WDFY1: variants seen among roughly 807,000 people sequenced by gnomAD.
WDFY1 encodes the protein WD repeat and FYVE domain-containing protein 1.
In WDFY1, 32 loss-of-function variants were observed where a neutral mutation model predicts 56.4. That is an observed-to-expected ratio of 0.57 (90% confidence interval 0.43 to 0.76). The LOEUF (loss-of-function observed/expected upper bound fraction) is 0.76, where lower values mean the gene tolerates loss of function less well. Ranked by LOEUF, WDFY1 falls within the 30% of genes least tolerant of loss-of-function variation. WDFY1 has a pLI of 0.00. For synonymous variants in WDFY1, 192 were observed against 197.3 expected, an observed-to-expected ratio of 0.97 and a Z score of 0.23; for missense variants, 480 against 545.7, an observed-to-expected ratio of 0.88 and a Z score of 1.20.
chr2:223,945,267 G>C lies in WDFY1; in HGVS notation c.18C>G (p.His6Gln). The change falls in exon 1 of 12, where the codon CAC becomes CAG. Residue 6 changes from histidine (H) to glutamine (Q), a missense_variant. Physicochemically the swap from His to Gln is conservative, Grantham distance 24 (BLOSUM62 0). Transcript: ENST00000233055. Reference sequence around the variant, plus strand: ...CCGGGCGGCTGCTCTGCGGCCTGGAGTGGATTTCGGCCGCCATGTTCGCGC... The same window carrying C: ...CCGGGCGGCTGCTCTGCGGCCTGGACTGGATTTCGGCCGCCATGTTCGCGC... MAAEI[H>Q]SRPQSSRPVL... The C allele has an allele frequency of 6.3e-7, 1 of 1,579,812 alleles. No individual in the cohort carries two copies. Among genetic ancestry groups the C allele is most frequent in the Non-Finnish European group, 8.6e-7 (1 of 1,168,998 alleles).
Position 223,881,949 on chromosome 2 carries a change from C to A in WDFY1, c.1057G>T (p.Asp353Tyr), listed in dbSNP as rs1218320419. The A allele has an allele frequency of 6.2e-7, 1 of 1,613,536 alleles. No individual in the cohort carries two copies. Among genetic ancestry groups the A allele is most frequent in the East Asian group, 2.2e-5 (1 of 44,880 alleles). Residue 353 changes from aspartate (D) to tyrosine (Y), a missense_variant, in exon 10 of 12, where the codon GAT becomes TAT. Transcript: ENST00000233055. ...VCDSCYDSIK[D>Y]EDRTSLATFH... The stretch of plus-strand genomic sequence containing the variant: ...AAATATGCAAACACTCACTCTTCAT[C>A]TTTGATGGAGTCGTAACAAGAATCA...
rs140777534 is a variant in WDFY1 at position 223,884,663 on chromosome 2, C to T, written c.918G>A (p.Thr306=). 4.1e-5 allele frequency: 66 copies of T among 1,614,056 alleles called. No individual in the cohort carries two copies. Among genetic ancestry groups the T allele is most frequent in the African/African-American group, 3.2e-4 (24 of 75,036 alleles). ...GGCTACTCACTTGTCTTAGCCCCAG[C>T]GTCTTGGTGTCCCACATCTGCTTTA... The part of the protein sequence containing the change: ...WNIKQMWDTK[T]LGLRQHHCRK... Residue 306 remains threonine, a synonymous_variant, in exon 9 of 12, where the codon ACG becomes ACA. Coordinates refer to ENST00000233055, the MANE Select transcript of WDFY1 (RefSeq NM_020830.5).
intron 1 of WDFY1, among the ~76,000 whole-genome samples, chr2:223,944,496 G>A (rs1461654601): frequency 6.6e-6 from 1 of 151,924 alleles, no homozygotes; most frequent in East Asian, 1.9e-4. Context: ...TGAGCAGCGC[G>A]GTGAGACAGA....
intron 1 of WDFY1, among the ~76,000 whole-genome samples, chr2:223,931,663 A>T (rs1199779368): frequency 6.7e-6 from 1 of 150,060 alleles, no homozygotes; most frequent in Non-Finnish European, 1.5e-5. Flanking sequence ...GGCATCTTGC[A>T]GGAGTCATTA....
intron 1 of WDFY1, among the ~76,000 whole-genome samples, chr2:223,928,905 G>GT (rs1429412751): frequency 6.6e-6 from 1 of 152,178 alleles, no homozygotes; most frequent in African/African-American, 2.4e-5. Flanking sequence ...ATTGCAGGGG[G>GT]GGTGAGAGAG....
At position 223,876,400 on chromosome 2, in the gene WDFY1, T is replaced by G. The variant is rs1446481783; in HGVS notation, c.*2271A>C. 1.3e-5 allele frequency: 2 copies of G among 152,600 alleles called. No individual in the cohort carries two copies. The highest frequency in any genetic ancestry group is 4.1e-4 in the South Asian group (2 of 4,836). 9.5% of individuals were successfully genotyped at this position (152,600 alleles called of 1,614,324 possible). A position where few individuals can be genotyped will look rare whatever the true frequency, so the allele number is the denominator to read the frequency against. ...ATTGAGAAAATAATTTTTGCCCACT[T>G]CTATAAAAATATCACCCCATTTGCT... On this transcript the variant is annotated 3_prime_UTR_variant, in exon 12 of 12. Transcript: ENST00000233055.
intron 1 of WDFY1, among the ~76,000 whole-genome samples, chr2:223,934,000 G>C (rs1694125720): frequency 1.4e-5 from 2 of 145,124 alleles, no homozygotes; most frequent in South Asian, 4.3e-4. Flanking sequence ...CCCTATCCAT[G>C]GCCTAGAAGT....
At position 223,940,508 on chromosome 2, in the gene WDFY1, G is replaced by A. The variant is rs562807284; in HGVS notation, c.137+4640C>T. ...ACACATAAGGTCCAATTCTGTACTC[G>A]TAGAGAAAAGGGACTTTCAACAGGT... is the stretch of plus-strand genomic sequence containing the variant. On this transcript the variant is annotated intron_variant, in intron 1 of 11. Transcript: ENST00000233055. Among the ~76,000 whole-genome samples the A allele has an allele frequency of 4.6e-5, 7 of 152,266 alleles. No individual in the cohort carries two copies. In the East Asian group the frequency reaches 1.2e-3, roughly 25 times the overall value.
At chr2:223,944,357 C>T (rs993531699) in intron 1 of WDFY1, among the ~76,000 whole-genome samples, 29 of 152,274 alleles carry the variant, frequency 1.9e-4, no homozygotes, top group African/African-American at 6.7e-4. Context: ...GGCTAAACCC[C>T]GCCAGGGAGA....
chr2:223,912,791 T>C (rs1378957593), intron 2 of WDFY1, among the ~76,000 whole-genome samples: 2 of 152,200 alleles, frequency 1.3e-5, no homozygotes, highest in Non-Finnish European at 2.9e-5. Flanking sequence ...ATATATGGCA[T>C]ATGTGAGTTG....
Position 223,926,651 on chromosome 2 carries a change from CGT to C in WDFY1, c.138-8643_138-8642del, listed in dbSNP as rs60751966. Among the ~76,000 whole-genome samples, 291 of 148,526 alleles carry C rather than the reference CGT, an allele frequency of 2.0e-3. 3 individuals carry two copies. Among genetic ancestry groups the C allele is most frequent in the African/African-American group, 6.9e-3 (273 of 39,318 alleles). On this transcript the variant is annotated intron_variant, in intron 1 of 11. Coordinates refer to ENST00000233055, the MANE Select transcript of WDFY1 (RefSeq NM_020830.5). ...TATTTCATATATATACAAATATGTG[CGT>C]GTGTGTGTGTGTGTGTGTGTATGTG...
chr2:223,937,067 G>C (rs1001767468), intron 1 of WDFY1, among the ~76,000 whole-genome samples: 6 of 152,172 alleles, frequency 3.9e-5, no homozygotes, highest in Non-Finnish European at 8.8e-5. Flanking sequence ...CAATGAACCC[G>C]ATCTTGAGGA....
In WDFY1 at chr2:223,903,531, AAAC is replaced by A. The variant is rs1693541522; in HGVS notation, c.335-2201_335-2199del. 6.1e-5 allele frequency among the ~76,000 whole-genome samples: 7 copies of A among 115,452 alleles called. No individual in the cohort carries two copies. In the South Asian group the frequency reaches 1.4e-3, roughly 23 times the overall value. The allele number at this position is 115,452 out of a possible 152,430, so 75.7% of individuals were successfully genotyped here. ...GAGTGAGGCTCTTTCTCAAAAAACAAAACAAAACAAAAAAAAACCTTTGACAAC... is the reference window on the plus strand; with the variant it reads ...GAGTGAGGCTCTTTCTCAAAAAACAAAAAACAAAAAAAAACCTTTGACAAC... On this transcript the variant is annotated intron_variant, in intron 4 of 11. Coordinates refer to ENST00000233055, the MANE Select transcript of WDFY1 (RefSeq NM_020830.5).
chr2:223,881,320 T>A (rs1693066145), intron 10 of WDFY1, among the ~76,000 whole-genome samples: 1 of 152,204 alleles, frequency 6.6e-6, no homozygotes, highest in South Asian at 2.1e-4. Context: ...GTGCATGGAC[T>A]TATCCCTGCA....
intron 1 of WDFY1, among the ~76,000 whole-genome samples, chr2:223,926,570 G>T (rs1488340045): frequency 1.3e-5 from 2 of 152,158 alleles, no homozygotes; most frequent in Admixed American, 1.3e-4. Context: ...GTTCTTGGGT[G>T]ACTAGGTGCA....
chr2:223,936,076 TTTG>T (rs1161899360), intron 1 of WDFY1, among the ~76,000 whole-genome samples: 1,221 of 65,652 alleles, frequency 0.019, 13 homozygotes, highest in South Asian at 0.048. Flanking sequence ...TTTTTTTTTT[TTTG>T]GGGACAGAGT....
intron 1 of WDFY1, among the ~76,000 whole-genome samples, chr2:223,931,071 AC>A (rs2106100412): frequency 6.6e-6 from 1 of 152,306 alleles, no homozygotes; most frequent in East Asian, 1.9e-4. Context: ...TAAATAATAT[AC>A]CTTTAAGAAC....
intron 7 of WDFY1, among the ~76,000 whole-genome samples, chr2:223,894,970 A>G (rs1200378198): frequency 4.6e-5 from 7 of 152,234 alleles, no homozygotes; most frequent in Admixed American, 2.6e-4. Flanking sequence ...GTGAAGATGT[A>G]TTTCTTTTTC....
At position 223,930,424 on chromosome 2, in the gene WDFY1, G is replaced by A. The variant is rs1431604561; in HGVS notation, c.138-12414C>T. Among the ~76,000 whole-genome samples the A allele has an allele frequency of 6.6e-5, 10 of 152,288 alleles. No homozygotes were observed. The South Asian group carries it at 2.1e-3, about 32-fold the overall frequency. ...GGCTCACTGCAACCTCCGCCTACCG[G>A]GTTCAGGCGATTCTCTTGCCTCAGC... On this transcript the variant is annotated intron_variant, in intron 1 of 11. Transcript: ENST00000233055.
Sources: gnomAD v4.1 joint callset for allele counts (sites outside exome capture counted in the v4.1 genomes callset) on GRCh38, gnomAD v4.1.1 for gene constraint, MANE v1.5 for transcripts, NCBI Gene and HGNC (gene_info 2026-07-23, HGNC 2026-07-21) for gene names.